PPP2R2B: variants seen among roughly 807,000 people sequenced by gnomAD.
The protein encoded by PPP2R2B is protein phosphatase 2 regulatory subunit Bbeta, also known as serine/threonine-protein phosphatase 2A 55 kDa regulatory subunit B beta isoform.
Under a neutral mutation model 46.0 loss-of-function variants are expected in PPP2R2B, and 5 were observed. That is an observed-to-expected ratio of 0.11 (90% confidence interval 0.06 to 0.23). The LOEUF is 0.23. PPP2R2B is among the 10% of genes least tolerant of loss of function. The pLI is 1.00. For synonymous variants in PPP2R2B, 215 were observed against 206.7 expected (o/e 1.04, Z -0.34); for missense variants, 367 against 575.0 (o/e 0.64, Z 3.70).
rs899836907 is a variant in PPP2R2B, at chr5:146,610,038, G to C, written c.791-9578C>G. 1.8e-4 allele frequency among the ~76,000 whole-genome samples: 23 copies of C among 124,802 alleles called. 4 individuals carry two copies. The South Asian group carries it at 2.9e-3, about 16-fold the overall frequency. 81.9% of individuals were successfully genotyped at this position (124,802 alleles called of 152,430 possible). A position where few individuals can be genotyped will look rare whatever the true frequency, so the allele number is the denominator to read the frequency against. On this transcript the variant is annotated intron_variant, in intron 7 of 9. Transcript: ENST00000394411. ...CCTGCCTCTGTGGGCTCCACCTCTG[G>C]GGGCAGGGCACAGACAAACAAAAAG...
chr5:146,717,969 T>C (rs953128639), intron 2 of PPP2R2B, among the ~76,000 whole-genome samples: 7 of 152,236 alleles, frequency 4.6e-5, no homozygotes, highest in African/African-American at 1.7e-4. Context: ...TTGTTCTTTA[T>C]AGTACTCTAT....
intron 2 of PPP2R2B, among the ~76,000 whole-genome samples, chr5:146,817,535 T>G (rs1249491584): frequency 3.9e-5 from 6 of 152,250 alleles, no homozygotes; most frequent in African/African-American, 1.4e-4. Context: ...ACACAATTTT[T>G]TTTTATTGTG....
In PPP2R2B at chr5:146,950,950, C is replaced by CAG. The variant is rs1561537107; in HGVS notation, c.79+104713_79+104714dup. On this transcript the variant is annotated intron_variant, in intron 1 of 8. Coordinates refer to the PPP2R2B transcript ENST00000336640. ...GATAAAACACTAAAGGGTGTAAATACAGTCATCTTTAAATCCTGGTATACT... is the reference window on the plus strand; with the variant it reads ...GATAAAACACTAAAGGGTGTAAATACAGAGTCATCTTTAAATCCTGGTATACT... Among the ~76,000 whole-genome samples the CAG allele has an allele frequency of 4.6e-5, 7 of 152,114 alleles. No homozygotes were observed. In the South Asian group the frequency reaches 1.5e-3, roughly 32 times the overall value.
intron 1 of PPP2R2B, chr5:147,040,901 G>T: frequency 2.5e-6 from 1 of 395,412 alleles, no homozygotes; most frequent in Non-Finnish European, 4.9e-6. Context: ...TCTCCTGAGG[G>T]CTTATCAAGA....
intron 5 of PPP2R2B, among the ~76,000 whole-genome samples, chr5:146,676,834 G>T: frequency 6.6e-6 from 1 of 152,166 alleles, no homozygotes; most frequent in East Asian, 1.9e-4. Context: ...TTTTTAAAAT[G>T]CATAGCAAGA....
intron 2 of PPP2R2B, among the ~76,000 whole-genome samples, chr5:146,846,506 C>T (rs536880418): frequency 4.6e-4 from 69 of 151,618 alleles, no homozygotes; most frequent in African/African-American, 1.5e-3. Context: ...GGTGAAACCC[C>T]GTCTCTACTA....
At chr5:146,929,816 A>T (rs1763907890) in intron 1 of PPP2R2B, among the ~76,000 whole-genome samples, 1 of 152,186 alleles carries the variant, frequency 6.6e-6, no homozygotes, top group Non-Finnish European at 1.5e-5. Context: ...TGATATCTCT[A>T]AGCCTCTGCT....
At chr5:146,892,864 A>G (rs1415074464) in intron 1 of PPP2R2B, among the ~76,000 whole-genome samples, 2 of 152,208 alleles carry the variant, frequency 1.3e-5, no homozygotes, top group East Asian at 1.9e-4. Flanking sequence ...GCATATTTAC[A>G]TTTTATACAA....
At chr5:146,693,776 T>C (rs1173076706) in intron 4 of PPP2R2B, among the ~76,000 whole-genome samples, 2 of 152,232 alleles carry the variant, frequency 1.3e-5, no homozygotes, top group Admixed American at 6.5e-5. Context: ...ATTAGGCTTC[T>C]AATAATGGTC....
intron 5 of PPP2R2B, among the ~76,000 whole-genome samples, chr5:146,665,747 T>C (rs1054307313): frequency 6.6e-6 from 1 of 152,228 alleles, no homozygotes; most frequent in African/African-American, 2.4e-5. Context: ...TTCTAGCTTT[T>C]GATTTAAAAT....
chr5:146,878,219 A>C lies in PPP2R2B; in HGVS notation c.-124-24T>G. 6.5e-7 allele frequency: 1 copy of C among 1,539,348 alleles called. No individual in the cohort carries two copies. Among genetic ancestry groups the C allele is most frequent in the Non-Finnish European group, 8.7e-7 (1 of 1,143,062 alleles). On this transcript the variant is annotated intron_variant, in intron 1 of 9. Transcript: ENST00000394411. This position sits in a 1 kb window ranked among gnomAD's most constrained non-coding sequence, Gnocchi z 4.5. The stretch of plus-strand genomic sequence containing the variant: ...GCCTGAGGAGGAGACGGGGAGGCGG[A>C]GAGAAAAAAAATAAAAACCCGGCAA...
At chr5:147,050,249 G>T (rs1212428735) in intron 1 of PPP2R2B, among the ~76,000 whole-genome samples, 1 of 152,198 alleles carries the variant, frequency 6.6e-6, no homozygotes, top group African/African-American at 2.4e-5. Flanking sequence ...CTTGAGTTGA[G>T]CATTACTATT....
At chr5:147,006,479 G>T (rs1754446489) in intron 1 of PPP2R2B, among the ~76,000 whole-genome samples, 1 of 152,068 alleles carries the variant, frequency 6.6e-6, no homozygotes, top group South Asian at 2.1e-4. Context: ...CCCTATCTGT[G>T]CCCCTCAAAG....
chr5:146,841,890 C>A (rs928138727), intron 2 of PPP2R2B, among the ~76,000 whole-genome samples: 1 of 152,040 alleles, frequency 6.6e-6, no homozygotes, highest in African/African-American at 2.4e-5. Context: ...ATGTAACAAA[C>A]CTGCACGTTC....
At chr5:146,753,222 T>A (rs1753656744) in intron 2 of PPP2R2B, among the ~76,000 whole-genome samples, 2 of 152,144 alleles carry the variant, frequency 1.3e-5, no homozygotes, top group African/African-American at 4.8e-5. Context: ...AGGGCTGCTA[T>A]GAGAAGGAAA....
At chr5:146,785,889 G>C (rs965030143) in intron 2 of PPP2R2B, among the ~76,000 whole-genome samples, 12 of 152,130 alleles carry the variant, frequency 7.9e-5, no homozygotes, top group Non-Finnish European at 8.8e-5. Context: ...GCATAGGGGA[G>C]GGGAGAATAA....
intron 2 of PPP2R2B, among the ~76,000 whole-genome samples, chr5:146,840,335 C>A (rs769172066): frequency 3.9e-5 from 6 of 151,936 alleles, no homozygotes; most frequent in Non-Finnish European, 8.8e-5. Flanking sequence ...TTTTTTTTTA[C>A]ATCGAAAAGA....
intron 2 of PPP2R2B, among the ~76,000 whole-genome samples, chr5:146,828,732 C>T (rs1262961272): frequency 1.3e-5 from 2 of 152,168 alleles, no homozygotes; most frequent in Admixed American, 1.3e-4. Flanking sequence ...AAGCCAAACT[C>T]TCTGAAGAAT....
intron 4 of PPP2R2B, among the ~76,000 whole-genome samples, chr5:146,696,535 T>C (rs191566564): frequency 1.3e-5 from 2 of 152,340 alleles, no homozygotes; most frequent in South Asian, 2.1e-4. Flanking sequence ...AAGTCTCTTT[T>C]ATTCCAAGTA....
Sources: allele counts gnomAD v4.1 joint callset (sites outside exome capture counted in the v4.1 genomes callset), GRCh38; gene constraint gnomAD v4.1.1; non-coding constraint Gnocchi (gnomAD v3.1); transcripts MANE v1.5; gene names NCBI Gene and HGNC (gene_info 2026-07-23, HGNC 2026-07-21).